ADNP: variants seen among roughly 807,000 people sequenced by gnomAD.
The protein encoded by ADNP is activity dependent neuroprotector homeobox.
Under a neutral mutation model 84.9 loss-of-function variants are expected in ADNP, and 4 were observed. The ratio of observed to expected loss-of-function variants is 0.05; its 90% CI spans 0.02 to 0.11. The LOEUF (loss-of-function observed/expected upper bound fraction) is 0.11. ADNP is among the 10% of genes least tolerant of loss of function. The pLI, the probability that ADNP is intolerant of heterozygous loss-of-function variation, is 1.00. For synonymous variants in ADNP, 554 were observed against 468.1 expected, an observed-to-expected ratio of 1.18 and a Z score of -2.37; for missense variants, 1,132 against 1,326.0, an observed-to-expected ratio of 0.85 and a Z score of 2.27.
At chr20:50,930,522 G>A (rs1984639600) in intron 1 of ADNP, among the ~76,000 whole-genome samples, 1 of 152,030 alleles carries the variant, frequency 6.6e-6, no homozygotes, top group Non-Finnish European at 1.5e-5. Flanking sequence ...GCCCTTAGCT[G>A]CAAAAGCTCC....
chr20:50,921,864 T>C (rs1200616597), intron 2 of ADNP, among the ~76,000 whole-genome samples: 1 of 152,164 alleles, frequency 6.6e-6, no homozygotes, highest in East Asian at 1.9e-4. Context: ...GAGGATACTT[T>C]ATAATATACC....
Position 50,892,479 on chromosome 20 carries a change from C to T in ADNP, c.2235G>A (p.Lys745=). The change falls in exon 6 of 6, where the codon AAG becomes AAA. Residue 745 remains lysine, a synonymous_variant. Coordinates refer to ENST00000621696, the MANE Select transcript of ADNP (RefSeq NM_001282531.3). ...AAGCTAAAACAACAGGCTCTTCAGG[C>T]TTCTCTTCAAAGAAGCTGGGTGAAT... ...DSDSPSFFEE[K]PEEPVVLALD... is the part of the protein sequence containing the mutation. 6.2e-7 allele frequency: 1 copy of T among 1,614,188 alleles called. No individual in the cohort carries two copies. Among genetic ancestry groups the T allele is most frequent in the Middle Eastern group, 1.6e-4 (1 of 6,062 alleles).
chr20:50,897,906 G>A (rs988234673), intron 5 of ADNP, among the ~76,000 whole-genome samples: 2 of 152,184 alleles, frequency 1.3e-5, no homozygotes, highest in Non-Finnish European at 2.9e-5. Flanking sequence ...GGTCACCCAC[G>A]ACTTCTTATA....
chr20:50,929,452 G>C (rs562340531), intron 1 of ADNP, among the ~76,000 whole-genome samples: 1 of 152,190 alleles, frequency 6.6e-6, no homozygotes, highest in Non-Finnish European at 1.5e-5. Context: ...CACCAACTAA[G>C]AGTGCGAGTG....
At chr20:50,913,591 A>G (rs1983259566) in intron 2 of ADNP, 1 of 168,144 alleles carries the variant, frequency 5.9e-6, no homozygotes, top group East Asian at 1.7e-4. Flanking sequence ...ACAGAATCAA[A>G]GCATCAGTTA....
intron 2 of ADNP, among the ~76,000 whole-genome samples, chr20:50,927,497 ATACTT>A (rs1450870475): frequency 1.3e-5 from 2 of 152,142 alleles, no homozygotes. Context: ...ACCTTTTACT[ATACTT>A]TAATGAAGTA....
At position 50,904,606 on chromosome 20, in the gene ADNP, T is replaced by C. The variant is rs569620308; in HGVS notation, c.-6+160A>G. 2.6e-5 allele frequency: 4 copies of C among 152,434 alleles called. No homozygotes were observed. In the East Asian group the frequency reaches 7.7e-4, roughly 29 times the overall value. 9.4% of individuals were successfully genotyped at this position (152,434 alleles called of 1,614,324 possible). A position where few individuals can be genotyped will look rare whatever the true frequency, so the allele number is the denominator to read the frequency against. ...AGTTTTTAACAGGACATTTTGACTATGAGTCTAATCTGGCATAATTCTGAT... is the reference window on the plus strand; with the variant it reads ...AGTTTTTAACAGGACATTTTGACTACGAGTCTAATCTGGCATAATTCTGAT... On this transcript the variant is annotated intron_variant, in intron 3 of 5. Coordinates refer to ENST00000621696, the MANE Select transcript of ADNP (RefSeq NM_001282531.3).
At chr20:50,929,980 G>C (rs558808472) in intron 1 of ADNP, among the ~76,000 whole-genome samples, 2 of 152,108 alleles carry the variant, frequency 1.3e-5, no homozygotes, top group South Asian at 4.2e-4. Context: ...TAGAGTCTTG[G>C]TCTTGGGCAG....
chr20:50,914,006 GA>G, intron 2 of ADNP: 3 of 753,220 alleles, frequency 4.0e-6, no homozygotes, highest in Middle Eastern at 3.4e-4. Flanking sequence ...GCCCTTCTGG[GA>G]AAAGGTGCTC....
chr20:50,895,489 G>C (rs1981284717), intron 5 of ADNP, among the ~76,000 whole-genome samples: 1 of 152,162 alleles, frequency 6.6e-6, no homozygotes, highest in Non-Finnish European at 1.5e-5. Context: ...CAATATGAAA[G>C]CCTGGGACAT....
chr20:50,904,150 C>CA (rs1445361592), intron 3 of ADNP, 149 bp from the exon 4 acceptor site: 1 of 613,980 alleles, frequency 1.6e-6, no homozygotes, highest in Admixed American at 2.9e-5. Flanking sequence ...CACAGACACA[C>CA]ACCTGCTTTC....
At chr20:50,901,340 A>AC (rs1044019480) in intron 5 of ADNP, among the ~76,000 whole-genome samples, 2 of 151,436 alleles carry the variant, frequency 1.3e-5, no homozygotes, top group Admixed American at 6.6e-5. Flanking sequence ...AAAAAAAAAA[A>AC]AAAAAAAGTC....
At chr20:50,914,490 A>G (rs1480327292) in intron 2 of ADNP, 1 of 347,624 alleles carries the variant, frequency 2.9e-6, no homozygotes. Context: ...ATCATCTACA[A>G]ATGTTTTCTC....
intron 2 of ADNP, among the ~76,000 whole-genome samples, chr20:50,923,893 C>A (rs535424518): frequency 1.3e-5 from 2 of 152,334 alleles, no homozygotes; most frequent in East Asian, 3.9e-4. Context: ...TACTCCCAGT[C>A]TCAGCTCACT....
intron 2 of ADNP, among the ~76,000 whole-genome samples, chr20:50,925,693 T>C (rs867129980): frequency 6.6e-6 from 1 of 152,252 alleles, no homozygotes; most frequent in South Asian, 2.1e-4. Flanking sequence ...CTTTGGTTTA[T>C]ACTAGTTTCA....
chr20:50,916,524 A>AAGGAT (rs1983522079), intron 2 of ADNP, among the ~76,000 whole-genome samples: 1 of 152,146 alleles, frequency 6.6e-6, no homozygotes, highest in Non-Finnish European at 1.5e-5. Flanking sequence ...CCACTCTCCA[A>AAGGAT]AGGATAAGCT....
chr20:50,903,798 A>AC lies in ADNP; in HGVS notation c.108+90dup. The AC allele has an allele frequency of 5.6e-6, 5 of 889,926 alleles. No homozygotes were observed. The South Asian group carries it at 8.0e-5, about 14-fold the overall frequency. 55.1% of individuals were successfully genotyped at this position (889,926 alleles called of 1,614,324 possible). A position where few individuals can be genotyped will look rare whatever the true frequency, so the allele number is the denominator to read the frequency against. On this transcript the variant is annotated intron_variant, in intron 4 of 5. Transcript: ENST00000621696. ...ACTGCTGTGGCTGAAATTCAGAATC[A>AC]CATCTAAGATTTAGCCATCTTGGCC...
chr20:50,893,684 C>G lies in ADNP; in HGVS notation c.1030G>C (p.Gly344Arg). ...VKSVGQGYSVGQSMRLGLGGN... is the reference protein window; with the variant it reads ...VKSVGQGYSVRQSMRLGLGGN... ...CCTAGACCCAGTCTCATTGACTGAC[C>G]AACACTGTAACCCTGGCCTACAGAT... The change falls in exon 6 of 6, where the codon GGT becomes CGT. Residue 344 changes from glycine to arginine, a missense_variant. This residue lies in a region of ADNP where 239 missense variants were observed against 213.2 expected (regional missense o/e 1.12). Transcript: ENST00000621696. The surrounding 1 kb of genome is among the most constrained non-coding windows in gnomAD (Gnocchi z 4.4). The G allele has an allele frequency of 6.2e-7, 1 of 1,614,042 alleles. No individual in the cohort carries two copies. Among genetic ancestry groups the G allele is most frequent in the Non-Finnish European group, 8.5e-7 (1 of 1,180,022 alleles).
chr20:50,922,044 A>C (rs1983988398), intron 2 of ADNP, among the ~76,000 whole-genome samples: 1 of 152,180 alleles, frequency 6.6e-6, no homozygotes, highest in Non-Finnish European at 1.5e-5. Flanking sequence ...TAAGTGGACA[A>C]TCTGGCTTAA....
Sources: allele counts gnomAD v4.1 joint callset (sites outside exome capture counted in the v4.1 genomes callset), GRCh38; gene constraint gnomAD v4.1.1; regional missense constraint gnomAD v4.1.1; non-coding constraint Gnocchi (gnomAD v3.1); transcripts MANE v1.5; gene names NCBI Gene and HGNC (gene_info 2026-07-23, HGNC 2026-07-21).